Variants in KCNQ3 observed in about 807,000 individuals in gnomAD.
The protein encoded by KCNQ3 is potassium voltage-gated channel subfamily KQT member 3.
Under a neutral mutation model 92.5 loss-of-function variants are expected in KCNQ3, and 30 were observed. The observed-to-expected ratio is 0.32, with a 90% confidence interval of 0.24 to 0.44. The LOEUF (loss-of-function observed/expected upper bound fraction) is 0.44. Among genes scored for constraint, KCNQ3 ranks in the 20% least tolerant of loss-of-function variants. The pLI, the probability that KCNQ3 is intolerant of heterozygous loss-of-function variation, is 1.00. For missense variants in KCNQ3, 913 were observed against 1,140.3 expected (o/e 0.80, Z 2.87); for synonymous variants, 450 against 468.8 (o/e 0.96, Z 0.52).
At chr8:132,197,239 T>G (rs1047358353) in intron 1 of KCNQ3, among the ~76,000 whole-genome samples, 2 of 152,154 alleles carry the variant, frequency 1.3e-5, no homozygotes, top group South Asian at 2.1e-4. Flanking sequence ...CATGCCATAT[T>G]TGGGTGGGTG....
At chr8:132,269,140 G>T (rs765492442) in intron 1 of KCNQ3, among the ~76,000 whole-genome samples, 1 of 152,052 alleles carries the variant, frequency 6.6e-6, no homozygotes, top group South Asian at 2.1e-4. Flanking sequence ...TATGTCTTGT[G>T]CAAATCAGAC....
At chr8:132,392,641 T>C (rs2130772504) in intron 1 of KCNQ3, among the ~76,000 whole-genome samples, 1 of 151,144 alleles carries the variant, frequency 6.6e-6, no homozygotes, top group East Asian at 1.9e-4. Flanking sequence ...GACTCTACAA[T>C]TTTTTTTTAA....
chr8:132,250,316 C>G (rs991464782), intron 1 of KCNQ3, among the ~76,000 whole-genome samples: 1 of 152,194 alleles, frequency 6.6e-6, no homozygotes, highest in Non-Finnish European at 1.5e-5. Context: ...TTCCTGACAA[C>G]ATCACTTGAG....
intron 1 of KCNQ3, among the ~76,000 whole-genome samples, chr8:132,303,581 G>GATATATATA (rs1563849732): frequency 5.1e-5 from 1 of 19,580 alleles, no homozygotes; most frequent in Non-Finnish European, 8.9e-5. Flanking sequence ...TATATATATG[G>GATATATATA]TGTGTGTGTA....
chr8:132,130,751 A>G (rs1306729607), intron 14 of KCNQ3, among the ~76,000 whole-genome samples: 1 of 152,252 alleles, frequency 6.6e-6, no homozygotes, highest in Admixed American at 6.5e-5. Context: ...GGCAGTGGTT[A>G]GCAAGAACTG....
At chr8:132,472,585 A>C (rs2130867698) in intron 1 of KCNQ3, among the ~76,000 whole-genome samples, 1 of 152,316 alleles carries the variant, frequency 6.6e-6, no homozygotes, top group East Asian at 1.9e-4. Context: ...GAATAAAATG[A>C]TAGATACCAG....
At chr8:132,341,942 G>C (rs541007749) in intron 1 of KCNQ3, among the ~76,000 whole-genome samples, 5 of 152,296 alleles carry the variant, frequency 3.3e-5, no homozygotes, top group African/African-American at 1.2e-4. Context: ...TGTCCACACA[G>C]CTCTTTCTTC....
intron 1 of KCNQ3, among the ~76,000 whole-genome samples, chr8:132,418,064 G>C (rs554668538): frequency 6.6e-6 from 1 of 152,262 alleles, no homozygotes; most frequent in South Asian, 2.1e-4. Flanking sequence ...AGATCACCGG[G>C]ATTGGATCAG....
chr8:132,134,534 G>T, intron 12 of KCNQ3, 146 bp from the exon 13 acceptor site: 2 of 647,378 alleles, frequency 3.1e-6, no homozygotes, highest in South Asian at 3.4e-5. Context: ...GGAGAGGAGA[G>T]GGGAGGAGAG....
At chr8:132,405,343 C>T (rs1354268951) in intron 1 of KCNQ3, among the ~76,000 whole-genome samples, 1 of 152,228 alleles carries the variant, frequency 6.6e-6, no homozygotes, top group Non-Finnish European at 1.5e-5. Context: ...AAAAACAGCT[C>T]CTGGATTTCC....
chr8:132,149,711 C>A (rs1211447562), intron 9 of KCNQ3, among the ~76,000 whole-genome samples: 1 of 152,188 alleles, frequency 6.6e-6, no homozygotes, highest in Non-Finnish European at 1.5e-5. Context: ...TTGGGCCAGG[C>A]AGCTGCCTGT....
intron 1 of KCNQ3, among the ~76,000 whole-genome samples, chr8:132,454,625 A>G (rs2130852736): frequency 6.6e-6 from 1 of 152,126 alleles, no homozygotes; most frequent in East Asian, 1.9e-4. Flanking sequence ...AGTGCCTGAT[A>G]CCCACACTGT....
chr8:132,462,191 T>G (rs867727697), intron 1 of KCNQ3, among the ~76,000 whole-genome samples: 204 of 151,964 alleles, frequency 1.3e-3, no homozygotes, highest in Admixed American at 1.8e-3. Flanking sequence ...ATTTATTTAT[T>G]TATTTATTTA....
intron 1 of KCNQ3, among the ~76,000 whole-genome samples, chr8:132,464,749 G>A (rs1336988711): frequency 6.6e-6 from 1 of 152,150 alleles, no homozygotes. Flanking sequence ...TCCCCAAGTG[G>A]ACTCAGTATC....
chr8:132,336,640 C>A (rs1399175460), intron 1 of KCNQ3, among the ~76,000 whole-genome samples: 2 of 152,192 alleles, frequency 1.3e-5, no homozygotes, highest in African/African-American at 2.4e-5. Context: ...CTAGCCAAGT[C>A]CCCCTGCCCC....
chr8:132,242,836 C>T (rs942631622), intron 1 of KCNQ3, among the ~76,000 whole-genome samples: 4 of 152,202 alleles, frequency 2.6e-5, no homozygotes, highest in African/African-American at 9.6e-5. Flanking sequence ...TTTATAGGCA[C>T]TTTGCCTAAA....
At chr8:132,134,212 C>A in intron 13 of KCNQ3, 78 bp downstream of exon 13, 1 of 1,048,866 alleles carries the variant, frequency 9.5e-7, no homozygotes, top group South Asian at 1.3e-5. Flanking sequence ...CATAAAGGAC[C>A]CCAGCAGAGG....
intron 1 of KCNQ3, among the ~76,000 whole-genome samples, chr8:132,267,785 C>T (rs968543303): frequency 2.0e-5 from 3 of 152,156 alleles, no homozygotes; most frequent in Admixed American, 6.5e-5. Context: ...TATTCTAGAA[C>T]ATTTTAAGTT....
At chr8:132,373,174 T>C (rs2130741378) in intron 1 of KCNQ3, among the ~76,000 whole-genome samples, 1 of 151,950 alleles carries the variant, frequency 6.6e-6, no homozygotes, top group African/African-American at 2.4e-5. Flanking sequence ...GCCTCCAGCG[T>C]CAGACATGGG....
Sources: allele counts gnomAD v4.1 joint callset (sites outside exome capture counted in the v4.1 genomes callset), GRCh38; gene constraint gnomAD v4.1.1; transcripts MANE v1.5; gene names NCBI Gene and HGNC (gene_info 2026-07-23, HGNC 2026-07-21).